ATP8B2: variants seen among roughly 807,000 people sequenced by gnomAD.
The protein encoded by ATP8B2 is phospholipid-transporting ATPase ID.
ATP8B2 carries 70 observed loss-of-function variants against 133.4 expected under a neutral mutation model. That is an observed-to-expected ratio of 0.52 (90% CI 0.43 to 0.64). The LOEUF is 0.64. Ranked by LOEUF, ATP8B2 falls within the 30% of genes least tolerant of loss-of-function variation. ATP8B2 has a pLI of 0.00. For missense variants in ATP8B2, 1,101 were observed against 1,535.7 expected, an observed-to-expected ratio of 0.72 and a Z score of 4.73; for synonymous variants, 517 against 589.5, an observed-to-expected ratio of 0.88 and a Z score of 1.78.
Position 154,328,860 on chromosome 1 carries a change from G to T in ATP8B2, c.31+688G>T, listed in dbSNP as rs1339724883. On this transcript the variant is annotated intron_variant, in intron 2 of 27. Coordinates refer to ENST00000368489, the MANE Select transcript of ATP8B2 (RefSeq NM_001370597.1). The surrounding 1 kb of genome is among the most constrained non-coding windows in gnomAD (Gnocchi z 4.6). ...ATGGCCTGGGCTGCGGGTGGGGCGC[G>T]CGCCCGACGGCTGGGGCTCCCCTCT... The T allele has an allele frequency of 8.7e-7, 1 of 1,153,034 alleles. No homozygotes were observed. Among genetic ancestry groups the T allele is most frequent in the Non-Finnish European group, 1.1e-6 (1 of 919,892 alleles). The allele number at this position is 1,153,034 out of a possible 1,614,324, so 71.4% of individuals were successfully genotyped here. A position where few individuals can be genotyped will look rare whatever the true frequency, so the allele number is the denominator to read the frequency against.
At chr1:154,341,275 A>C (rs2149171052) in intron 13 of ATP8B2, 1 of 629,008 alleles carries the variant, frequency 1.6e-6, no homozygotes, top group Non-Finnish European at 2.8e-6. Flanking sequence ...GCTCGAGCCC[A>C]GGAATGCGAG....
chr1:154,336,186 C>A (rs372528656), intron 11 of ATP8B2, among the ~76,000 whole-genome samples: 4 of 152,082 alleles, frequency 2.6e-5, no homozygotes, highest in African/African-American at 9.7e-5. Context: ...CCCACTCTTA[C>A]CAACTTTGAG....
Position 154,343,736 on chromosome 1 carries a change from C to T in ATP8B2, c.1759-157C>T, listed in dbSNP as rs578003114. 6.6e-6 allele frequency among the ~76,000 whole-genome samples: 1 copy of T among 152,210 alleles called. No homozygotes were observed. The highest frequency in any genetic ancestry group is 1.5e-5 in the Non-Finnish European group (1 of 68,042). On this transcript the variant is annotated intron_variant, in intron 17 of 27. Coordinates refer to ENST00000368489, the MANE Select transcript of ATP8B2 (RefSeq NM_001370597.1). This position sits in a 1 kb window ranked among gnomAD's most constrained non-coding sequence, Gnocchi z 5.8. ...TCAGACAACTTAACACATCAGCCAG[C>T]TCCCATAGTTACCTCTTTTTATGTA...
chr1:154,349,190 C>T lies in ATP8B2; in HGVS notation c.*72C>T. On this transcript the variant is annotated 3_prime_UTR_variant, in exon 28 of 28. Coordinates refer to ENST00000368489, the MANE Select transcript of ATP8B2 (RefSeq NM_001370597.1). The stretch of plus-strand genomic sequence containing the variant: ...TGGCCAGTCACTGAGGGAACAGCGT[C>T]TCGGAACTGCTGGTCCTCATTCCTT... The T allele has an allele frequency of 6.5e-7, 1 of 1,527,868 alleles. No individual in the cohort carries two copies. The highest frequency in any genetic ancestry group is 8.9e-7 in the Non-Finnish European group (1 of 1,128,376). 94.6% of individuals were successfully genotyped at this position (1,527,868 alleles called of 1,614,324 possible). A position where few individuals can be genotyped will look rare whatever the true frequency, so the allele number is the denominator to read the frequency against.
intron 1 of ATP8B2, among the ~76,000 whole-genome samples, chr1:154,326,349 A>G (rs1685790013): frequency 2.0e-5 from 3 of 152,044 alleles, no homozygotes; most frequent in African/African-American, 7.3e-5. Context: ...TCTTGCTTGT[A>G]AGGGAGCAGG....
Position 154,345,158 on chromosome 1 carries a change from A to G in ATP8B2, c.2470+4A>G. The G allele has an allele frequency of 6.2e-7, 1 of 1,612,694 alleles. No individual in the cohort carries two copies. The highest frequency in any genetic ancestry group is 8.5e-7 in the Non-Finnish European group (1 of 1,179,086). On this transcript the variant is annotated splice_donor_region_variant and intron_variant, in intron 22 of 27. Transcript: ENST00000368489. The surrounding 1 kb of genome is among the most constrained non-coding windows in gnomAD (Gnocchi z 5.6). ...AATGATGTCAGCATGATCAAAAGTG[A>G]GTGTGGGCTGTGCAGGTGTGTAGGC...
At position 154,334,484 on chromosome 1, in the gene ATP8B2, C is replaced by T. The variant is rs759562111; in HGVS notation, c.749-19C>T. 2 of 1,613,030 alleles carry T rather than the reference C, an allele frequency of 1.2e-6. No homozygotes were observed. The highest frequency in any genetic ancestry group is 1.7e-6 in the Non-Finnish European group (2 of 1,179,140). On this transcript the variant is annotated intron_variant, in intron 10 of 27. Transcript: ENST00000368489. This position sits in a 1 kb window ranked among gnomAD's most constrained non-coding sequence, Gnocchi z 4.6. ...AGATGTGTTATTTGGCTTTCCCAGC[C>T]CTTCCCATTCTTTTCCAGGTCCCGA...
chr1:154,343,293 C>G lies in ATP8B2; in HGVS notation c.1634C>G (p.Ser545Trp), dbSNP rs751883997. Residue 545 changes from serine (S) to tryptophan (W), a missense_variant, in exon 16 of 28, where the codon TCG (serine) becomes TGG (tryptophan). Coordinates refer to ENST00000368489, the MANE Select transcript of ATP8B2 (RefSeq NM_001370597.1). This position sits in a 1 kb window ranked among gnomAD's most constrained non-coding sequence, Gnocchi z 5.8. The stretch of plus-strand genomic sequence containing the variant: ...TTCAACAACATCCGCAAGCGGATGT[C>G]GGTCATAGGTGAGGCCAGGCCTGGG... ...LDFNNIRKRM[S>W]VIVRNPEGKI... is the part of the protein sequence containing the mutation. 1 of 1,613,860 alleles carries G rather than the reference C, an allele frequency of 6.2e-7. No homozygotes were observed. The highest frequency in any genetic ancestry group is 1.3e-5 in the African/African-American group (1 of 74,898).
In ATP8B2 at chr1:154,349,881, G is replaced by C. The variant is rs1287706017; in HGVS notation, c.*763G>C. The C allele has an allele frequency of 6.6e-6, 1 of 152,448 alleles. No individual in the cohort carries two copies. Among genetic ancestry groups the C allele is most frequent in the Non-Finnish European group, 1.5e-5 (1 of 68,252 alleles). 9.4% of individuals were successfully genotyped at this position (152,448 alleles called of 1,614,324 possible). A position where few individuals can be genotyped will look rare whatever the true frequency, so the allele number is the denominator to read the frequency against. On this transcript the variant is annotated 3_prime_UTR_variant, in exon 28 of 28. Transcript: ENST00000368489. Reference sequence around the variant, plus strand: ...TGTAAAGGAGGGTTTGGTCCTGTCTGCTTCCTCACCTTGAGAGTAAAGTGC... The same window carrying C: ...TGTAAAGGAGGGTTTGGTCCTGTCTCCTTCCTCACCTTGAGAGTAAAGTGC...
At chr1:154,333,210 A>C (rs1036232855) in intron 9 of ATP8B2, among the ~76,000 whole-genome samples, 13 of 152,144 alleles carry the variant, frequency 8.5e-5, no homozygotes, top group African/African-American at 3.1e-4. Context: ...CTATTCAGGA[A>C]GCTGAGGCAG....
At chr1:154,348,636 C>G (rs1055868615) in intron 27 of ATP8B2, 98 bp downstream of exon 27, 5 of 1,524,804 alleles carry the variant, frequency 3.3e-6, no homozygotes, top group Non-Finnish European at 4.4e-6. Context: ...TGTGGCTGTT[C>G]AGTGTGTTGG....
Position 154,349,098 on chromosome 1 carries a change from G to C in ATP8B2, c.3553G>C (p.Asp1185His), listed in dbSNP as rs375717021. 2 of 1,613,840 alleles carry C rather than the reference G, an allele frequency of 1.2e-6. No homozygotes were observed. The highest frequency in any genetic ancestry group is 8.5e-7 in the Non-Finnish European group (1 of 1,179,804). ...DSASSPSGGA[D>H]KPLKG ...TGCCAGTAGCCCCAGTGGCGGTGCC[G>C]ACAAGCCCCTCAAGGGCTGAAGGCC... The change falls in exon 28 of 28, where the codon GAC (aspartate) becomes CAC (histidine). Residue 1185 changes from aspartate to histidine, a missense_variant. Coordinates refer to ENST00000368489, the MANE Select transcript of ATP8B2 (RefSeq NM_001370597.1).
chr1:154,348,012 A>G (rs1686645315), intron 26 of ATP8B2, among the ~76,000 whole-genome samples: 1 of 25,086 alleles, frequency 4.0e-5, no homozygotes, highest in South Asian at 5.3e-3. Flanking sequence ...GAATCAAGAT[A>G]AAAAACAACA....
Position 154,343,523 on chromosome 1 carries a change from C to T in ATP8B2, c.1713C>T (p.His571=). The change falls in exon 17 of 28, where the codon CAC becomes CAT. Residue 571 remains histidine, a synonymous_variant. Coordinates refer to ENST00000368489, the MANE Select transcript of ATP8B2 (RefSeq NM_001370597.1). The surrounding 1 kb of genome is among the most constrained non-coding windows in gnomAD (Gnocchi z 5.8). ...GADTILLDRL[H]HSTQELLNTT... ...ACACTATCCTACTGGACAGACTGCA[C>T]CACTCCACTCAAGAGCTGCTCAACA... 6.2e-7 allele frequency: 1 copy of T among 1,614,094 alleles called. No homozygotes were observed. The highest frequency in any genetic ancestry group is 8.5e-7 in the Non-Finnish European group (1 of 1,180,024).
intron 26 of ATP8B2, among the ~76,000 whole-genome samples, chr1:154,347,142 G>A (rs1309861527): frequency 3.9e-5 from 6 of 152,144 alleles, no homozygotes; most frequent in African/African-American, 1.4e-4. Context: ...CACTCACCTC[G>A]GCCTCCCAAA....
intron 3 of ATP8B2, 90 bp from the exon 4 acceptor site, chr1:154,330,725 T>TG (rs1685958796): frequency 8.8e-7 from 1 of 1,133,096 alleles, no homozygotes; most frequent in Non-Finnish European, 1.3e-6. Context: ...GGTAGAGGTC[T>TG]GGGGAAGTAT....
chr1:154,332,087 TTGAA>T (rs1375668836), intron 8 of ATP8B2, 63 bp downstream of exon 8: 1 of 1,534,808 alleles, frequency 6.5e-7, no homozygotes, highest in Non-Finnish European at 9.0e-7. Context: ...AAGATTGTCT[TTGAA>T]TGAGGTTCTC....
chr1:154,342,606 T>A (rs1686425205), intron 14 of ATP8B2, 83 bp downstream of exon 14: 5 of 1,503,900 alleles, frequency 3.3e-6, no homozygotes, highest in Non-Finnish European at 1.9e-6. Flanking sequence ...TGATGTGTTG[T>A]CTGGATAGGA....
Position 154,343,026 on chromosome 1 carries a change from G to C in ATP8B2, c.1453+65G>C. 1.0e-5 allele frequency: 16 copies of C among 1,600,004 alleles called. No homozygotes were observed. Among genetic ancestry groups the C allele is most frequent in the Non-Finnish European group, 1.4e-5 (16 of 1,171,972 alleles). ...CTGCCCTTGGGCTCTGCTCTGCTCT[G>C]CAATGCGGCTGGGCTGGGGCTTCCT... On this transcript the variant is annotated intron_variant, in intron 15 of 27. Coordinates refer to ENST00000368489, the MANE Select transcript of ATP8B2 (RefSeq NM_001370597.1). The surrounding 1 kb of genome is among the most constrained non-coding windows in gnomAD (Gnocchi z 5.8).
Sources: gnomAD v4.1 joint callset for allele counts (sites outside exome capture counted in the v4.1 genomes callset) on GRCh38, gnomAD v4.1.1 for gene constraint, Gnocchi (gnomAD v3.1) non-coding constraint, MANE v1.5 for transcripts, NCBI Gene and HGNC (gene_info 2026-07-23, HGNC 2026-07-21) for gene names.